Variants in SNAPC3 observed in about 807,000 individuals in gnomAD.
The protein encoded by SNAPC3 is small nuclear RNA activating complex polypeptide 3.
A neutral mutation model predicts 47.7 loss-of-function variants in SNAPC3; 56 were observed. The observed-to-expected ratio is 1.18, with a 90% CI of 0.95 to 1.47. The LOEUF (loss-of-function observed/expected upper bound fraction) is 1.47, where lower values mean the gene tolerates loss of function less well. SNAPC3 is among the 40% of genes most tolerant of loss of function. The pLI, the probability that SNAPC3 is intolerant of heterozygous loss-of-function variation, is 0.00. For synonymous variants in SNAPC3, 235 were observed against 189.9 expected, an observed-to-expected ratio of 1.24 and a Z score of -1.95; for missense variants, 665 against 511.3, an observed-to-expected ratio of 1.30 and a Z score of -2.90.
downstream of SNAPC3, chr9:15,462,009 A>C (rs1267036515): frequency 6.6e-6 from 1 of 152,164 alleles, no homozygotes; most frequent in Admixed American, 6.5e-5. Context: ...CATGGGTAAA[A>C]ATTTTGATTC....
rs1002865684 is a variant in SNAPC3 at position 15,461,492 on chromosome 9, C to T, written c.*1626C>T. On this transcript the variant is annotated 3_prime_UTR_variant, in exon 9 of 9. Transcript: ENST00000380821. ...AACTTTCTTTATTTTCAGGTCTAGA[C>T]CATCAGATAGATTTATTCAAATATT... The T allele has an allele frequency of 1.3e-5, 2 of 152,106 alleles. No individual in the cohort carries two copies. The highest frequency in any genetic ancestry group is 1.3e-4 in the Admixed American group (2 of 15,238). The allele number at this position is 152,106 out of a possible 1,614,324, so 9.4% of individuals were successfully genotyped here. A position where few individuals can be genotyped will look rare whatever the true frequency, so the allele number is the denominator to read the frequency against.
intron 2 of SNAPC3, among the ~76,000 whole-genome samples, chr9:15,424,708 A>G (rs1171993847): frequency 1.3e-5 from 2 of 152,206 alleles, no homozygotes; most frequent in Non-Finnish European, 2.9e-5. Flanking sequence ...CTGTTGTATG[A>G]TAATATAGAG....
intron 5 of SNAPC3, among the ~76,000 whole-genome samples, chr9:15,449,549 ATATATATATATATATT>A (rs2034210049): frequency 2.8e-5 from 1 of 36,022 alleles, no homozygotes; most frequent in African/African-American, 1.1e-4. Context: ...ATATATATAT[ATATATATATATATATT>A]TTTTTTTTTT....
chr9:15,462,979 A>G (rs1165725512), downstream of SNAPC3: 1 of 152,146 alleles, frequency 6.6e-6, no homozygotes, highest in African/African-American at 2.4e-5. Flanking sequence ...TTGACCTAAC[A>G]TCTGTAACCA....
At chr9:15,455,904 C>T (rs886163080) in intron 7 of SNAPC3, among the ~76,000 whole-genome samples, 4 of 151,066 alleles carry the variant, frequency 2.6e-5, no homozygotes, top group South Asian at 4.2e-4. Flanking sequence ...GACCGAGTTT[C>T]GCTCTTGTTG....
At chr9:15,440,731 C>T (rs1009309691) in intron 3 of SNAPC3, among the ~76,000 whole-genome samples, 16 of 152,014 alleles carry the variant, frequency 1.1e-4, no homozygotes, top group Non-Finnish European at 2.1e-4. Flanking sequence ...GGGCGGATCA[C>T]GAGGTCAAGA....
chr9:15,465,628 A>G (rs746813414), downstream of SNAPC3: 44 of 1,439,554 alleles, frequency 3.1e-5, no homozygotes, highest in African/African-American at 6.3e-4. Context: ...TTTTCTCCTG[A>G]TGAAGGAAAA....
intron 6 of SNAPC3, among the ~76,000 whole-genome samples, chr9:15,452,473 C>T (rs902282443): frequency 6.6e-6 from 1 of 152,128 alleles, no homozygotes; most frequent in Non-Finnish European, 1.5e-5. Context: ...CAGGCACCAC[C>T]ACGCCCGGCT....
rs548429324 is a variant in SNAPC3, at chr9:15,423,075, C to T, written c.196C>T (p.Pro66Ser). The T allele has an allele frequency of 7.2e-5, 109 of 1,514,910 alleles. 3 individuals carry two copies. The South Asian group carries it at 1.3e-3, about 18-fold the overall frequency. 93.8% of individuals were successfully genotyped at this position (1,514,910 alleles called of 1,614,324 possible). Residue 66 changes from proline to serine, a missense_variant, in exon 1 of 9, where the codon CCG (proline) becomes TCG (serine). By Grantham distance (74) the Pro-to-Ser change is moderately conservative. Transcript: ENST00000380821. Reference sequence around the variant, plus strand: ...GGCCGGGGACTTGTCGCTGAGGGAGCCGCCGGCATCCGCTCTGCCTGGGAG... The same window carrying T: ...GGCCGGGGACTTGTCGCTGAGGGAGTCGCCGGCATCCGCTCTGCCTGGGAG... Reference protein sequence around the residue: ...RGAGDLSLREPPASALPGSQA... With the variant: ...RGAGDLSLRESPASALPGSQA...
Position 15,423,025 on chromosome 9 carries a change from A to G in SNAPC3, c.146A>G (p.Glu49Gly). 1 of 1,533,228 alleles carries G rather than the reference A, an allele frequency of 6.5e-7. No homozygotes were observed. The highest frequency in any genetic ancestry group is 8.7e-7 in the Non-Finnish European group (1 of 1,146,740). The allele number at this position is 1,533,228 out of a possible 1,614,324, so 95.0% of individuals were successfully genotyped here. The change falls in exon 1 of 9, where the codon GAG becomes GGG. Residue 49 changes from glutamate (E) to glycine (G), a missense_variant. By Grantham distance (98) the Glu-to-Gly change is moderately conservative. Transcript: ENST00000380821. ...TRAFHVGAFG[E>G]LWRGRLRGAG... is the part of the protein sequence containing the mutation. ...GCTTTCCATGTGGGCGCCTTTGGGG[A>G]GCTGTGGCGGGGCCGTCTGCGCGGG...
downstream of SNAPC3, chr9:15,461,892 A>G (rs1174414202): frequency 1.3e-5 from 2 of 152,216 alleles, no homozygotes; most frequent in Non-Finnish European, 2.9e-5. Context: ...TGTTATACCT[A>G]AATTTTTACT....
At chr9:15,465,831 G>A, downstream of SNAPC3, 1 of 395,902 alleles carries the variant, frequency 2.5e-6, no homozygotes, top group Non-Finnish European at 4.5e-6. Context: ...AAAGTGTCAT[G>A]GACCAAGCCC....
intron 3 of SNAPC3, among the ~76,000 whole-genome samples, chr9:15,436,228 T>G (rs1185398590): frequency 3.9e-5 from 6 of 152,380 alleles, no homozygotes; most frequent in African/African-American, 1.4e-4. Context: ...TTTGTTGTCC[T>G]TGCTTTTGAT....
intron 7 of SNAPC3, among the ~76,000 whole-genome samples, chr9:15,455,936 G>A (rs2034755702): frequency 2.0e-5 from 3 of 151,072 alleles, no homozygotes; most frequent in South Asian, 2.1e-4. Flanking sequence ...GTGCAGTGGC[G>A]TGATCTCGGC....
intron 2 of SNAPC3, among the ~76,000 whole-genome samples, chr9:15,426,628 G>A (rs1176566114): frequency 6.6e-6 from 1 of 152,148 alleles, no homozygotes; most frequent in East Asian, 1.9e-4. Context: ...TCATATTAAA[G>A]CAGACTCTTT....
In SNAPC3 at chr9:15,461,577, A is replaced by G. The variant is rs140580801; in HGVS notation, c.*1711A>G. On this transcript the variant is annotated 3_prime_UTR_variant, in exon 9 of 9. Coordinates refer to ENST00000380821, the MANE Select transcript of SNAPC3 (RefSeq NM_001039697.2). ...TGTTTAGAAGACTTTTAGGAATACT[A>G]TAGATTTCAAATGCATCATTTAAAA... 80 of 152,372 alleles carry G rather than the reference A, an allele frequency of 5.3e-4. No individual in the cohort carries two copies. The highest frequency in any genetic ancestry group is 1.9e-3 in the African/African-American group (77 of 41,596). 9.4% of individuals were successfully genotyped at this position (152,372 alleles called of 1,614,324 possible).
At chr9:15,423,830 AT>A in intron 1 of SNAPC3, 78 bp from the exon 2 acceptor site, 1 of 779,944 alleles carries the variant, frequency 1.3e-6, no homozygotes. Flanking sequence ...TCAGTAATGT[AT>A]TTAGGAAAAC....
downstream of SNAPC3, chr9:15,462,511 A>C (rs372155928): frequency 2.6e-5 from 4 of 152,230 alleles, no homozygotes; most frequent in African/African-American, 9.6e-5. Context: ...ATTTCAATCA[A>C]ATGTAACACG....
chr9:15,459,880 C>CA lies in SNAPC3; in HGVS notation c.*15dup. On this transcript the variant is annotated 3_prime_UTR_variant, in exon 9 of 9. Transcript: ENST00000380821. ...ACCTTTAATTAAGAATAGCTACACTCACAAAAATACCCCCTCATGAAATAA... is the reference window on the plus strand; with the variant it reads ...ACCTTTAATTAAGAATAGCTACACTCAACAAAAATACCCCCTCATGAAATAA... 1.3e-6 allele frequency: 2 copies of CA among 1,596,776 alleles called. No individual in the cohort carries two copies. Among genetic ancestry groups the CA allele is most frequent in the Non-Finnish European group, 1.7e-6 (2 of 1,172,964 alleles).
Sources: allele counts gnomAD v4.1 joint callset (sites outside exome capture counted in the v4.1 genomes callset), GRCh38; gene constraint gnomAD v4.1.1; transcripts MANE v1.5; gene names NCBI Gene and HGNC (gene_info 2026-07-23, HGNC 2026-07-21).